Variants in DRGX observed in about 807,000 individuals in gnomAD.
DRGX encodes the protein dorsal root ganglia homeobox.
A neutral mutation model predicts 28.6 loss-of-function variants in DRGX; 21 were observed. The observed-to-expected ratio is 0.73, with a 90% CI of 0.52 to 1.06. The LOEUF (loss-of-function observed/expected upper bound fraction) is 1.06, where lower values mean the gene tolerates loss of function less well. DRGX is among the 50% of genes least tolerant of loss of function. The pLI is 0.00. For missense variants in DRGX, 354 were observed against 343.9 expected, an observed-to-expected ratio of 1.03 and a Z score of -0.23; for synonymous variants, 136 against 139.1, an observed-to-expected ratio of 0.98 and a Z score of 0.16.
At chr10:49,368,762 T>G (rs937498004) in intron 6 of DRGX, among the ~76,000 whole-genome samples, 5 of 152,284 alleles carry the variant, frequency 3.3e-5, no homozygotes, top group Non-Finnish European at 7.3e-5. Context: ...TTCCTCTCTA[T>G]ATCTATTTAG....
At chr10:49,394,816 A>T (rs1849947576) in intron 2 of DRGX, among the ~76,000 whole-genome samples, 1 of 152,156 alleles carries the variant, frequency 6.6e-6, no homozygotes, top group South Asian at 2.1e-4. Context: ...AGTCACAGAG[A>T]AGGAGCCATG....
At position 49,372,522 on chromosome 10, in the gene DRGX, G is replaced by A. The variant is rs75609210; in HGVS notation, c.527-6141C>T. On this transcript the variant is annotated intron_variant, in intron 6 of 6. Coordinates refer to ENST00000374139, the MANE Select transcript of DRGX (RefSeq NM_001276451.2). ...GGGGATAAATCCTATAAAGCACCTG[G>A]TACTTAATCCTCAAACAATTATTTC... 2.8e-4 allele frequency among the ~76,000 whole-genome samples: 42 copies of A among 152,204 alleles called. 1 individual carries two copies. In the East Asian group the frequency reaches 8.1e-3, roughly 29 times the overall value.
chr10:49,393,147 T>G (rs1297716711), intron 2 of DRGX, among the ~76,000 whole-genome samples: 1 of 152,080 alleles, frequency 6.6e-6, no homozygotes, highest in Non-Finnish European at 1.5e-5. Context: ...ACAACCAAAA[T>G]GCCCATCAGC....
At chr10:49,372,913 C>T (rs1849675754) in intron 6 of DRGX, among the ~76,000 whole-genome samples, 1 of 152,166 alleles carries the variant, frequency 6.6e-6, no homozygotes, top group Non-Finnish European at 1.5e-5. Flanking sequence ...TCAAAACCCC[C>T]TCCTAATTAC....
At chr10:49,395,306 C>G in intron 2 of DRGX, 101 bp downstream of exon 2, 1 of 1,442,860 alleles carries the variant, frequency 6.9e-7, no homozygotes, top group South Asian at 1.2e-5. Context: ...CTGCGCCCCC[C>G]GCAGGGCGGG....
chr10:49,374,277 T>C (rs376928336), intron 6 of DRGX, among the ~76,000 whole-genome samples: 2 of 152,294 alleles, frequency 1.3e-5, no homozygotes, highest in East Asian at 1.9e-4. Flanking sequence ...GACTCCAAGA[T>C]GACTAATGGC....
At chr10:49,385,171 T>G (rs1849817837) in intron 6 of DRGX, among the ~76,000 whole-genome samples, 1 of 152,136 alleles carries the variant, frequency 6.6e-6, no homozygotes, top group Admixed American at 6.5e-5. Flanking sequence ...GGGGCTTCTA[T>G]GTGGCCCCCA....
chr10:49,380,896 G>A (rs1019290908), intron 6 of DRGX, among the ~76,000 whole-genome samples: 3 of 152,142 alleles, frequency 2.0e-5, no homozygotes, highest in Admixed American at 6.5e-5. Context: ...TGATAGTGTC[G>A]CTTCCCACAT....
Position 49,395,524 on chromosome 10 carries a change from G to A in DRGX, c.-81-3C>T. 1 of 1,472,914 alleles carries A rather than the reference G, an allele frequency of 6.8e-7. No individual in the cohort carries two copies. The highest frequency in any genetic ancestry group is 9.3e-7 in the Non-Finnish European group (1 of 1,080,780). The allele number at this position is 1,472,914 out of a possible 1,614,324, so 91.2% of individuals were successfully genotyped here. ...CCGCGCGCGTTGCTCCTGCCTGGCT[G>A]CAAAGCAAACAGCGATAGAGCTTCA... On this transcript the variant is annotated splice_region_variant and splice_polypyrimidine_tract_variant and intron_variant, in intron 1 of 6. Coordinates refer to ENST00000374139, the MANE Select transcript of DRGX (RefSeq NM_001276451.2).
At position 49,390,164 on chromosome 10, in the gene DRGX, A is replaced by C. The variant is rs1340723655; in HGVS notation, c.203T>G (p.Met68Arg). The stretch of plus-strand genomic sequence containing the variant: ...TCTGGCTTCTGTGAGGTTTATTTTC[A>C]TGGCGAGCTCTTCTCTGGTGAAGAC... ...PDVFTREELA[M>R]KINLTEARVQ... Residue 68 changes from methionine (M) to arginine (R), a missense_variant, in exon 4 of 7, where the codon ATG becomes AGG. Physicochemically the swap from Met to Arg is moderately conservative, Grantham distance 91. Transcript: ENST00000374139. 1 of 1,612,858 alleles carries C rather than the reference A, an allele frequency of 6.2e-7. No individual in the cohort carries two copies. The highest frequency in any genetic ancestry group is 8.5e-7 in the Non-Finnish European group (1 of 1,179,552).
At chr10:49,389,954 G>A (rs556443751) in intron 4 of DRGX, among the ~76,000 whole-genome samples, 179 bp downstream of exon 4, 17 of 151,380 alleles carry the variant, frequency 1.1e-4, no homozygotes, top group Non-Finnish European at 2.2e-4. Flanking sequence ...ATGAATGACC[G>A]ATTAATCAAC....
intron 6 of DRGX, among the ~76,000 whole-genome samples, chr10:49,384,899 G>T (rs1289010048): frequency 6.6e-6 from 1 of 152,218 alleles, no homozygotes; most frequent in Non-Finnish European, 1.5e-5. Context: ...CATGAGGCCA[G>T]AGTAGGGCGA....
At position 49,365,385 on chromosome 10, in the gene DRGX, G is replaced by A. The variant is rs1849586933; in HGVS notation, c.*731C>T. 6.6e-6 allele frequency: 1 copy of A among 152,286 alleles called. No individual in the cohort carries two copies. The highest frequency in any genetic ancestry group is 1.5e-5 in the Non-Finnish European group (1 of 68,148). The allele number at this position is 152,286 out of a possible 1,614,324, so 9.4% of individuals were successfully genotyped here. A position where few individuals can be genotyped will look rare whatever the true frequency, so the allele number is the denominator to read the frequency against. On this transcript the variant is annotated 3_prime_UTR_variant, in exon 7 of 7. Transcript: ENST00000374139. ...GCAGGTGAGTGCTTCAGGTACAGGG[G>A]CCACACTAGTTCCACACCCACAGTG... is the stretch of plus-strand genomic sequence containing the variant.
chr10:49,395,483 T>C lies in DRGX; in HGVS notation c.-43A>G. The C allele has an allele frequency of 6.5e-7, 1 of 1,547,904 alleles. No individual in the cohort carries two copies. The highest frequency in any genetic ancestry group is 8.7e-7 in the Non-Finnish European group (1 of 1,146,334). On this transcript the variant is annotated 5_prime_UTR_variant, in exon 2 of 7. Coordinates refer to ENST00000374139, the MANE Select transcript of DRGX (RefSeq NM_001276451.2). ...GCTGGACGGCCGAGACCTGGGAGGGTGGCAGCAGAACGGACCCGCGCGCGT... is the reference window on the plus strand; with the variant it reads ...GCTGGACGGCCGAGACCTGGGAGGGCGGCAGCAGAACGGACCCGCGCGCGT...
intron 6 of DRGX, among the ~76,000 whole-genome samples, chr10:49,383,758 C>T (rs148984250): frequency 2.1e-3 from 325 of 152,324 alleles, no homozygotes; most frequent in African/African-American, 7.4e-3. Flanking sequence ...CCACAAGGAG[C>T]AGTCAGCAGC....
intron 6 of DRGX, among the ~76,000 whole-genome samples, chr10:49,372,331 G>A (rs1849669500): frequency 6.6e-6 from 1 of 152,202 alleles, no homozygotes; most frequent in African/African-American, 2.4e-5. Flanking sequence ...TCTGGGGCCA[G>A]AAAAGCCAAT....
At chr10:49,384,798 G>A (rs1164415235) in intron 6 of DRGX, among the ~76,000 whole-genome samples, 2 of 152,208 alleles carry the variant, frequency 1.3e-5, no homozygotes, top group African/African-American at 4.8e-5. Context: ...CCTGGCTGCA[G>A]TCTAGTCCTC....
intron 6 of DRGX, among the ~76,000 whole-genome samples, chr10:49,373,033 C>T (rs780752066): frequency 2.0e-5 from 3 of 151,982 alleles, no homozygotes; most frequent in Non-Finnish European, 2.9e-5. Context: ...GCAGCACATG[C>T]ACTAAAATTG....
chr10:49,380,609 C>G (rs1849764448), intron 6 of DRGX, among the ~76,000 whole-genome samples: 1 of 152,186 alleles, frequency 6.6e-6, no homozygotes, highest in Admixed American at 6.5e-5. Context: ...GCAAGCCTGC[C>G]TGGCCATCCC....
Sources: allele counts gnomAD v4.1 joint callset (sites outside exome capture counted in the v4.1 genomes callset), GRCh38; gene constraint gnomAD v4.1.1; transcripts MANE v1.5; gene names NCBI Gene and HGNC (gene_info 2026-07-23, HGNC 2026-07-21).